Variants in ETV6 observed in about 807,000 individuals in gnomAD.
ETV6 encodes transcription factor ETV6.
A neutral mutation model predicts 51.1 loss-of-function variants in ETV6; 16 were observed. The observed-to-expected ratio is 0.31, with a 90% CI of 0.21 to 0.48. ETV6 has a LOEUF of 0.48. Among genes scored for constraint, ETV6 ranks in the 20% least tolerant of loss-of-function variants. ETV6 has a pLI of 0.99. For missense variants in ETV6, 458 were observed against 594.8 expected (o/e 0.77, Z 2.39); for synonymous variants, 240 against 224.1 (o/e 1.07, Z -0.64).
intron 1 of ETV6, among the ~76,000 whole-genome samples, chr12:11,733,277 A>G (rs886797641): frequency 7.2e-5 from 11 of 151,938 alleles, no homozygotes; most frequent in African/African-American, 2.4e-4. Flanking sequence ...GCATGGTGGC[A>G]GGTGCCTGTA....
intron 1 of ETV6, among the ~76,000 whole-genome samples, chr12:11,692,703 C>T (rs1216951535): frequency 1.3e-5 from 2 of 152,174 alleles, no homozygotes; most frequent in African/African-American, 4.8e-5. Context: ...CTGGTTCTTG[C>T]AGTTGGAGAA....
At chr12:11,668,832 A>G (rs1350925615) in intron 1 of ETV6, among the ~76,000 whole-genome samples, 1 of 152,178 alleles carries the variant, frequency 6.6e-6, no homozygotes, top group Admixed American at 6.5e-5. Context: ...CTTACTGGCT[A>G]TCTTCAGAGC....
In ETV6 at chr12:11,891,242, G is replaced by A; in HGVS notation, c.*196G>A. 1.9e-6 allele frequency: 1 copy of A among 521,990 alleles called. No individual in the cohort carries two copies. Among genetic ancestry groups the A allele is most frequent in the South Asian group, 2.4e-5 (1 of 42,548 alleles). The allele number at this position is 521,990 out of a possible 1,614,324, so 32.3% of individuals were successfully genotyped here. A position where few individuals can be genotyped will look rare whatever the true frequency, so the allele number is the denominator to read the frequency against. ...CAAACTACCCAGCACAGGCGGGGCT[G>A]GAATTCTGGCGGAGGGCATGAGCCT... On this transcript the variant is annotated 3_prime_UTR_variant, in exon 8 of 8. Transcript: ENST00000396373.
intron 2 of ETV6, among the ~76,000 whole-genome samples, chr12:11,812,609 A>T (rs954653042): frequency 6.6e-6 from 1 of 152,100 alleles, no homozygotes; most frequent in South Asian, 2.1e-4. Context: ...TCGGGAGAGG[A>T]TCTTACCAGA....
intron 1 of ETV6, 98 bp downstream of exon 1, chr12:11,650,258 C>A: frequency 9.5e-7 from 1 of 1,057,728 alleles, no homozygotes; most frequent in South Asian, 1.3e-5. Flanking sequence ...GTTGCAGTTG[C>A]TCTGTTCGCA....
intron 2 of ETV6, among the ~76,000 whole-genome samples, chr12:11,816,267 G>A (rs1232240488): frequency 1.3e-5 from 2 of 152,208 alleles, no homozygotes; most frequent in African/African-American, 4.8e-5. Flanking sequence ...TGTTGTTTGA[G>A]ACGGAGTCTC....
chr12:11,890,639 G>T (rs1266873419), intron 7 of ETV6, among the ~76,000 whole-genome samples: 1 of 151,228 alleles, frequency 6.6e-6, no homozygotes, highest in African/African-American at 2.4e-5. Flanking sequence ...TGCCCAAGCT[G>T]GTCTCAAACT....
rs996944780 is a variant in ETV6, at chr12:11,869,880, C to G, written c.920C>G (p.Ser307Cys). ...AGGGAAGGGAAGCCCATCAACCTCTCTCATCGGGAAGACCTGGCTTACATG... is the reference window on the plus strand; with the variant it reads ...AGGGAAGGGAAGCCCATCAACCTCTGTCATCGGGAAGACCTGGCTTACATG... ...LHREGKPINLSHREDLAYMNH... is the reference protein window; with the variant it reads ...LHREGKPINLCHREDLAYMNH... Residue 307 changes from serine (S) to cysteine (C), a missense_variant, in exon 5 of 8, where the codon TCT becomes TGT. Physicochemically the swap from Ser to Cys is moderately radical, Grantham distance 112 (BLOSUM62 -1). Coordinates refer to ENST00000396373, the MANE Select transcript of ETV6 (RefSeq NM_001987.5). This position sits in a 1 kb window ranked among gnomAD's most constrained non-coding sequence, Gnocchi z 5.0. 4 of 1,612,896 alleles carry G rather than the reference C, an allele frequency of 2.5e-6. No homozygotes were observed. Among genetic ancestry groups the G allele is most frequent in the Non-Finnish European group, 3.4e-6 (4 of 1,180,044 alleles).
At chr12:11,752,834 G>T (rs1293642631) in intron 2 of ETV6, 1 of 338,896 alleles carries the variant, frequency 3.0e-6, no homozygotes, top group African/African-American at 2.1e-5. Context: ...CTGGAAACAT[G>T]CAGTATATGG....
intron 7 of ETV6, among the ~76,000 whole-genome samples, chr12:11,889,483 G>A (rs904621957): frequency 1.3e-5 from 2 of 152,212 alleles, no homozygotes; most frequent in Non-Finnish European, 2.9e-5. Flanking sequence ...TTTACAAGAT[G>A]TTTGAGTGTT....
In ETV6 at chr12:11,697,318, A is replaced by G. The variant is rs1565489958; in HGVS notation, c.33+47158A>G. On this transcript the variant is annotated intron_variant, in intron 1 of 7. Transcript: ENST00000396373. The stretch of plus-strand genomic sequence containing the variant: ...TTGTAACTTCACAGAAATGCTTCCC[A>G]GTCAGAGGAGGTACTTAGCAGAGGC... 2.6e-5 allele frequency among the ~76,000 whole-genome samples: 4 copies of G among 152,326 alleles called. 1 individual carries two copies. In the South Asian group the frequency reaches 6.2e-4, roughly 24 times the overall value.
chr12:11,849,118 T>G lies in ETV6; in HGVS notation c.329-4309T>G, dbSNP rs548851145. 1.3e-3 allele frequency among the ~76,000 whole-genome samples: 191 copies of G among 152,140 alleles called. 1 individual carries two copies. The highest frequency in any genetic ancestry group is 3.4e-3 in the Admixed American group (52 of 15,270). On this transcript the variant is annotated intron_variant, in intron 3 of 7. Coordinates refer to ENST00000396373, the MANE Select transcript of ETV6 (RefSeq NM_001987.5). ...AGAGACTGTTTTGGCGTTGTTTGTT[T>G]GTTTGTTTGTTTGAAACAAGGTCTC...
intron 1 of ETV6, chr12:11,751,338 CTT>C (rs551163823): frequency 1.2e-5 from 6 of 518,676 alleles, no homozygotes; most frequent in Non-Finnish European, 2.3e-5. Flanking sequence ...TTCTTTTGCT[CTT>C]GAGTTTTATT....
At chr12:11,822,566 C>T (rs1165068303) in intron 2 of ETV6, among the ~76,000 whole-genome samples, 2 of 152,114 alleles carry the variant, frequency 1.3e-5, no homozygotes, top group African/African-American at 4.8e-5. Context: ...TGTCCTGCTG[C>T]GGGCTTGCTT....
intron 2 of ETV6, among the ~76,000 whole-genome samples, chr12:11,823,806 G>A (rs185503428): frequency 3.9e-5 from 6 of 151,960 alleles, no homozygotes; most frequent in South Asian, 2.1e-4. Flanking sequence ...CACTAGAATC[G>A]TTCCTTAGTT....
chr12:11,799,409 C>T lies in ETV6; in HGVS notation c.164-39731C>T, dbSNP rs1241085093. ...CATGAAGTGTCCATGCCCTCTGTAG[C>T]CCCACCAACTGTTTGGAATCTCTTG... On this transcript the variant is annotated intron_variant, in intron 2 of 7. Coordinates refer to ENST00000396373, the MANE Select transcript of ETV6 (RefSeq NM_001987.5). Among the ~76,000 whole-genome samples, 3 of 152,148 alleles carry T rather than the reference C, an allele frequency of 2.0e-5. No homozygotes were observed. In the East Asian group the frequency reaches 5.8e-4, roughly 29 times the overall value.
chr12:11,751,917 T>A lies in ETV6; in HGVS notation c.34-533T>A, dbSNP rs566804474. ...GAGATAGGTGGACAATAGAAAAATC[T>A]TCCTTGTGGATTGAAGTTCTAAATC... On this transcript the variant is annotated intron_variant, in intron 1 of 7. Transcript: ENST00000396373. The A allele has an allele frequency of 1.8e-4, 84 of 457,590 alleles. 1 individual carries two copies. Among genetic ancestry groups the A allele is most frequent in the South Asian group, 1.2e-3 (71 of 61,466 alleles). The allele number at this position is 457,590 out of a possible 1,614,324, so 28.3% of individuals were successfully genotyped here.
intron 1 of ETV6, among the ~76,000 whole-genome samples, chr12:11,726,456 G>A (rs902414978): frequency 2.0e-5 from 3 of 152,144 alleles, no homozygotes; most frequent in Admixed American, 1.3e-4. Flanking sequence ...TAATCTAGGT[G>A]GGGAGACACT....
chr12:11,858,301 C>G (rs189732531), intron 4 of ETV6, among the ~76,000 whole-genome samples: 51 of 152,184 alleles, frequency 3.4e-4, no homozygotes, highest in African/African-American at 1.2e-3. Context: ...CAGTAAATGA[C>G]TATAAAATAA....
Sources: gnomAD v4.1 joint callset for allele counts (sites outside exome capture counted in the v4.1 genomes callset) on GRCh38, gnomAD v4.1.1 for gene constraint, Gnocchi (gnomAD v3.1) non-coding constraint, MANE v1.5 for transcripts, NCBI Gene and HGNC (gene_info 2026-07-23, HGNC 2026-07-21) for gene names.